Variants in GDPD4 observed in about 807,000 individuals in gnomAD.
GDPD4 encodes the protein glycerophosphodiester phosphodiesterase domain containing 4.
Under a neutral mutation model 67.8 loss-of-function variants are expected in GDPD4, and 60 were observed. That is an observed-to-expected ratio of 0.88 (90% CI 0.72 to 1.10). GDPD4 has a LOEUF of 1.10. GDPD4 is among the 50% of genes least tolerant of loss of function. GDPD4 has a pLI of 0.00. For synonymous variants in GDPD4, 212 were observed against 210.9 expected, an observed-to-expected ratio of 1.00 and a Z score of -0.04; for missense variants, 623 against 613.9, an observed-to-expected ratio of 1.01 and a Z score of -0.16.
At position 77,291,269 on chromosome 11, in the gene GDPD4, C is replaced by G. The variant is rs117989583; in HGVS notation, c.-253-3849G>C. ...TATGTTCAGTGAAATAAGTCAGGCA[C>G]AAAAAGACAAATATTGTGTGTTCTC... On this transcript the variant is annotated intron_variant, in intron 1 of 16. Transcript: ENST00000315938. Among the ~76,000 whole-genome samples the G allele has an allele frequency of 2.6e-5, 4 of 152,072 alleles. No individual in the cohort carries two copies. The East Asian group carries it at 7.7e-4, about 29-fold the overall frequency.
At chr11:77,220,373 T>C (rs1423805448) in intron 16 of GDPD4, among the ~76,000 whole-genome samples, 1 of 152,236 alleles carries the variant, frequency 6.6e-6, no homozygotes, top group Admixed American at 6.5e-5. Context: ...TTTTGAGATA[T>C]GTCCCATCAA....
At chr11:77,284,858 A>G (rs909453726) in intron 3 of GDPD4, among the ~76,000 whole-genome samples, 16 of 152,200 alleles carry the variant, frequency 1.1e-4, no homozygotes, top group African/African-American at 3.9e-4. Flanking sequence ...AGCCAGATTT[A>G]GTCTAAGTAT....
intron 11 of GDPD4, among the ~76,000 whole-genome samples, chr11:77,252,071 T>TTTG (rs1565523371): frequency 9.9e-5 from 14 of 141,000 alleles, no homozygotes; most frequent in Non-Finnish European, 1.1e-4. Context: ...TTTTGTTTTT[T>TTTG]TTTTTTTTTT....
chr11:77,274,307 T>C (rs1476869041), intron 5 of GDPD4, among the ~76,000 whole-genome samples: 3 of 152,240 alleles, frequency 2.0e-5, no homozygotes, highest in Non-Finnish European at 4.4e-5. Flanking sequence ...TTGATAAGGC[T>C]TGGACCTGTG....
At chr11:77,219,761 A>G (rs56157806) in intron 16 of GDPD4, among the ~76,000 whole-genome samples, 137,405 of 151,604 alleles carry the variant, frequency 0.91, 62,563 homozygotes, top group Non-Finnish European at 0.96. Context: ...TACCAGTACC[A>G]TGCTGTTTTG....
At chr11:77,269,831 A>T in intron 8 of GDPD4, 52 bp downstream of exon 8, 1 of 969,970 alleles carries the variant, frequency 1.0e-6, no homozygotes, top group Non-Finnish European at 1.6e-6. Context: ...GTACATTTTC[A>T]AGTTACCACC....
chr11:77,266,597 T>C (rs1279650968), intron 10 of GDPD4, among the ~76,000 whole-genome samples: 4 of 152,152 alleles, frequency 2.6e-5, no homozygotes, highest in Non-Finnish European at 5.9e-5. Flanking sequence ...AGGCATTGTT[T>C]TCATAGGAGA....
At chr11:77,218,392 G>A (rs1026612681) in intron 16 of GDPD4, among the ~76,000 whole-genome samples, 3 of 151,788 alleles carry the variant, frequency 2.0e-5, no homozygotes, top group Non-Finnish European at 4.4e-5. Context: ...GATAGTTACC[G>A]CTCTTTTATT....
intron 16 of GDPD4, among the ~76,000 whole-genome samples, chr11:77,225,030 G>C (rs1364440142): frequency 6.6e-6 from 1 of 151,812 alleles, no homozygotes; most frequent in African/African-American, 2.4e-5. Context: ...TTTGAGCCCA[G>C]GAGTTCAAGG....
At chr11:77,270,722 A>C (rs1304276641) in intron 7 of GDPD4, among the ~76,000 whole-genome samples, 1 of 152,164 alleles carries the variant, frequency 6.6e-6, no homozygotes, top group East Asian at 1.9e-4. Context: ...AACACAAACA[A>C]ACAAACAAAC....
At position 77,261,323 on chromosome 11, in the gene GDPD4, C is replaced by T. The variant is rs1016363395; in HGVS notation, c.708-2781G>A. Among the ~76,000 whole-genome samples, 9 of 152,020 alleles carry T rather than the reference C, an allele frequency of 5.9e-5. No individual in the cohort carries two copies. In the East Asian group the frequency reaches 1.2e-3, roughly 20 times the overall value. On this transcript the variant is annotated intron_variant, in intron 10 of 16. Coordinates refer to ENST00000315938, the MANE Select transcript of GDPD4 (RefSeq NM_182833.3). ...TGCCATCTCAGTTCACTGCAACCTC[C>T]GCCTCCCAGGTTCAAGTGATTCTCC...
chr11:77,288,494 G>A (rs1006969350), intron 1 of GDPD4, among the ~76,000 whole-genome samples: 2 of 152,184 alleles, frequency 1.3e-5, no homozygotes, highest in African/African-American at 4.8e-5. Flanking sequence ...ACCACAGCCT[G>A]TGCTAACAAC....
intron 1 of GDPD4, among the ~76,000 whole-genome samples, chr11:77,294,989 CAG>C (rs1937903299): frequency 1.0e-5 from 1 of 98,668 alleles, no homozygotes; most frequent in Non-Finnish European, 1.9e-5. Flanking sequence ...TTTTTTGAGA[CAG>C]AGTCTCCCTC....
At chr11:77,272,935 G>A (rs888574818) in intron 5 of GDPD4, among the ~76,000 whole-genome samples, 18 of 152,008 alleles carry the variant, frequency 1.2e-4, no homozygotes, top group South Asian at 8.3e-4. Context: ...CTTCACAGGC[G>A]TCATTTTGGT....
At chr11:77,282,056 A>G (rs1042165345) in intron 3 of GDPD4, among the ~76,000 whole-genome samples, 1 of 152,208 alleles carries the variant, frequency 6.6e-6, no homozygotes, top group African/African-American at 2.4e-5. Context: ...TGTGGTTGGA[A>G]AAGTATGTAG....
At chr11:77,256,685 G>A (rs919267995) in intron 11 of GDPD4, among the ~76,000 whole-genome samples, 3 of 152,098 alleles carry the variant, frequency 2.0e-5, no homozygotes, top group African/African-American at 7.2e-5. Flanking sequence ...TTAGTAATGA[G>A]TGAATTCTCA....
At chr11:77,282,012 AAT>A (rs1335987798) in intron 3 of GDPD4, among the ~76,000 whole-genome samples, 3 of 152,226 alleles carry the variant, frequency 2.0e-5, no homozygotes, top group Admixed American at 1.3e-4. Flanking sequence ...AATCTAAAAG[AAT>A]ATTAACTATA....
At chr11:77,261,174 C>T (rs1387524959) in intron 10 of GDPD4, among the ~76,000 whole-genome samples, 2 of 151,936 alleles carry the variant, frequency 1.3e-5, no homozygotes, top group East Asian at 1.9e-4. Flanking sequence ...AAACTACAGG[C>T]AAGAAAAATA....
intron 1 of GDPD4, among the ~76,000 whole-genome samples, chr11:77,288,668 T>C (rs377595150): frequency 5.3e-5 from 8 of 151,988 alleles, no homozygotes; most frequent in East Asian, 1.9e-4. Flanking sequence ...TCTTCCCCTA[T>C]GAAAGCCAAC....
Sources: gnomAD v4.1 joint callset for allele counts (sites outside exome capture counted in the v4.1 genomes callset) on GRCh38, gnomAD v4.1.1 for gene constraint, MANE v1.5 for transcripts, NCBI Gene and HGNC (gene_info 2026-07-23, HGNC 2026-07-21) for gene names.